Variants in BBX observed in about 807,000 individuals in gnomAD.
BBX encodes BBX high mobility group box domain containing, also known as HMG box transcription factor BBX.
Under a neutral mutation model 100.2 loss-of-function variants are expected in BBX, and 30 were observed. The ratio of observed to expected loss-of-function variants is 0.30; its 90% CI spans 0.22 to 0.41. The LOEUF is 0.41. Among genes scored for constraint, BBX ranks in the 10% least tolerant of loss-of-function variants. BBX has a pLI of 1.00. For missense variants in BBX, 1,023 were observed against 1,129.8 expected, an observed-to-expected ratio of 0.91 and a Z score of 1.35; for synonymous variants, 376 against 388.1, an observed-to-expected ratio of 0.97 and a Z score of 0.37.
At chr3:107,617,209 G>A (rs1405303986) in intron 2 of BBX, among the ~76,000 whole-genome samples, 1 of 151,990 alleles carries the variant, frequency 6.6e-6, no homozygotes, top group African/African-American at 2.4e-5. Flanking sequence ...TATTTGGTGG[G>A]TTTCTTTATG....
chr3:107,596,625 G>C (rs1313464638), intron 2 of BBX, among the ~76,000 whole-genome samples: 4 of 152,120 alleles, frequency 2.6e-5, no homozygotes, highest in African/African-American at 9.7e-5. Flanking sequence ...CTGGATCTTG[G>C]GGGCATTATG....
intron 9 of BBX, among the ~76,000 whole-genome samples, chr3:107,754,743 CAAAG>C (rs1452037451): frequency 6.6e-6 from 1 of 152,142 alleles, no homozygotes; most frequent in African/African-American, 2.4e-5. Context: ...TTCAGAATCA[CAAAG>C]AATCTAAAAA....
chr3:107,620,657 G>A (rs2055675481), intron 2 of BBX, among the ~76,000 whole-genome samples: 1 of 152,156 alleles, frequency 6.6e-6, no homozygotes, highest in African/African-American at 2.4e-5. Context: ...TGCTGGGCAG[G>A]GGCACAGTCT....
At chr3:107,605,524 C>A (rs2054370964) in intron 2 of BBX, among the ~76,000 whole-genome samples, 1 of 152,092 alleles carries the variant, frequency 6.6e-6, no homozygotes, top group African/African-American at 2.4e-5. Context: ...AAGGTTACTG[C>A]AGAGAATAGT....
intron 2 of BBX, among the ~76,000 whole-genome samples, chr3:107,553,586 A>G (rs1300415425): frequency 1.3e-5 from 2 of 152,202 alleles, no homozygotes; most frequent in African/African-American, 4.8e-5. Context: ...TAGGAGAGGT[A>G]GATTTTAGAA....
chr3:107,765,004 T>A (rs1460561642), intron 10 of BBX, among the ~76,000 whole-genome samples: 1 of 152,248 alleles, frequency 6.6e-6, no homozygotes, highest in Non-Finnish European at 1.5e-5. Flanking sequence ...GAGTTGCTTC[T>A]TGAAAGACAA....
chr3:107,708,459 A>G (rs1370313109), intron 3 of BBX, among the ~76,000 whole-genome samples: 1 of 152,110 alleles, frequency 6.6e-6, no homozygotes. Context: ...GCAGATCACA[A>G]GGTCAGGAGT....
intron 2 of BBX, among the ~76,000 whole-genome samples, chr3:107,632,539 T>A (rs1001829715): frequency 6.6e-6 from 1 of 152,192 alleles, no homozygotes; most frequent in Non-Finnish European, 1.5e-5. Context: ...TTATGTCAGA[T>A]GTTTGGAATA....
intron 2 of BBX, among the ~76,000 whole-genome samples, chr3:107,552,282 T>C (rs113829865): frequency 0.051 from 7,324 of 144,284 alleles, 586 homozygotes; most frequent in African/African-American, 0.17. Flanking sequence ...AGGTCAAGGC[T>C]GCAGTGAGCC....
At chr3:107,673,401 C>A (rs752631435) in intron 3 of BBX, among the ~76,000 whole-genome samples, 1 of 151,918 alleles carries the variant, frequency 6.6e-6, no homozygotes. Flanking sequence ...ATAAAATGGC[C>A]ATTTAAAATC....
At chr3:107,676,437 G>A (rs911424809) in intron 3 of BBX, among the ~76,000 whole-genome samples, 2 of 152,152 alleles carry the variant, frequency 1.3e-5, no homozygotes, top group African/African-American at 4.8e-5. Flanking sequence ...CACTTTCACA[G>A]CTTTGCTGGA....
chr3:107,629,954 A>G (rs116284362), intron 2 of BBX, among the ~76,000 whole-genome samples: 93 of 152,290 alleles, frequency 6.1e-4, no homozygotes, highest in Non-Finnish European at 1.1e-3. Flanking sequence ...CAGTCTTGCT[A>G]TAAAAGAGAA....
intron 1 of BBX, chr3:107,524,328 A>G (rs1254984707): frequency 1.3e-5 from 2 of 152,132 alleles, no homozygotes; most frequent in East Asian, 3.9e-4. Flanking sequence ...ATTTGCTGCG[A>G]TCCGGGTCGC....
At chr3:107,549,521 C>T (rs939236516) in intron 2 of BBX, among the ~76,000 whole-genome samples, 3 of 152,118 alleles carry the variant, frequency 2.0e-5, no homozygotes, top group Non-Finnish European at 2.9e-5. Context: ...TAGGGATGTC[C>T]GTCCTCTTCC....
At chr3:107,737,319 AG>A (rs2063706014) in intron 7 of BBX, among the ~76,000 whole-genome samples, 2 of 152,000 alleles carry the variant, frequency 1.3e-5, no homozygotes, top group Non-Finnish European at 2.9e-5. Flanking sequence ...AGAGAGAGAG[AG>A]AGAGAGAGAG....
intron 2 of BBX, among the ~76,000 whole-genome samples, chr3:107,536,512 GGC>G (rs1576210696): frequency 6.6e-6 from 1 of 152,042 alleles, no homozygotes; most frequent in Admixed American, 6.6e-5. Context: ...GTTTTCCGAA[GGC>G]GCTCGTCTTT....
chr3:107,625,559 C>T (rs1025995954), intron 2 of BBX, among the ~76,000 whole-genome samples: 1 of 152,226 alleles, frequency 6.6e-6, no homozygotes, highest in South Asian at 2.1e-4. Flanking sequence ...GCTGTGATTA[C>T]AGATGGGAGC....
At chr3:107,625,811 T>A (rs2030666711) in intron 2 of BBX, among the ~76,000 whole-genome samples, 1 of 152,188 alleles carries the variant, frequency 6.6e-6, no homozygotes, top group African/African-American at 2.4e-5. Context: ...TTTCTCTTTG[T>A]TTTTATTTTA....
At chr3:107,794,538 A>G (rs1380991958) in intron 15 of BBX, among the ~76,000 whole-genome samples, 1 of 152,190 alleles carries the variant, frequency 6.6e-6, no homozygotes, top group Non-Finnish European at 1.5e-5. Flanking sequence ...TCTGGTTTAT[A>G]GTTAGATTTT....
Sources: allele counts gnomAD v4.1 joint callset (sites outside exome capture counted in the v4.1 genomes callset), GRCh38; gene constraint gnomAD v4.1.1; transcripts MANE v1.5; gene names NCBI Gene and HGNC (gene_info 2026-07-23, HGNC 2026-07-21).